The following DLG2 variants were observed in gnomAD, a reference collection of about 807,000 sequenced individuals.
The protein encoded by DLG2 is disks large homolog 2.
DLG2 carries 45 observed loss-of-function variants against 132.5 expected under a neutral mutation model. The ratio of observed to expected loss-of-function variants is 0.34; its 90% CI spans 0.27 to 0.44. DLG2 has a LOEUF of 0.44. Ranked by LOEUF, DLG2 falls within the 20% of genes least tolerant of loss-of-function variation. The pLI is 1.00. For missense variants in DLG2, 1,045 were observed against 1,196.9 expected (o/e 0.87, Z 1.87); for synonymous variants, 424 against 419.6 (o/e 1.01, Z -0.13).
chr11:84,207,581 T>C (rs1217127581), intron 8 of DLG2, among the ~76,000 whole-genome samples: 2 of 152,174 alleles, frequency 1.3e-5, no homozygotes, highest in Admixed American at 1.3e-4. Context: ...ATTACCTGGA[T>C]ATCTATTGGA....
At chr11:83,963,828 C>G (rs1442005510) in intron 13 of DLG2, among the ~76,000 whole-genome samples, 1 of 151,936 alleles carries the variant, frequency 6.6e-6, no homozygotes, top group Middle Eastern at 3.2e-3. Flanking sequence ...CTAGAATTTG[C>G]CTCTCCTACC....
chr11:83,533,497 A>G (rs551737237), intron 20 of DLG2, among the ~76,000 whole-genome samples: 1 of 152,250 alleles, frequency 6.6e-6, no homozygotes, highest in Non-Finnish European at 1.5e-5. Flanking sequence ...GCTGATATCA[A>G]TGTGGGAGCA....
At chr11:85,482,708 G>A (rs1336716430) in intron 3 of DLG2, among the ~76,000 whole-genome samples, 2 of 151,852 alleles carry the variant, frequency 1.3e-5, no homozygotes, top group African/African-American at 4.8e-5. Flanking sequence ...CCAAACCAGT[G>A]CCCACAGACC....
intron 6 of DLG2, among the ~76,000 whole-genome samples, chr11:84,536,242 C>T (rs2154521222): frequency 6.6e-6 from 1 of 152,256 alleles, no homozygotes; most frequent in East Asian, 1.9e-4. Context: ...AGAAAACTAA[C>T]ACTCCAAGAA....
intron 9 of DLG2, among the ~76,000 whole-genome samples, chr11:84,110,817 C>T (rs11233907): frequency 0.5 from 76,545 of 152,138 alleles, 23,328 homozygotes; most frequent in Middle Eastern, 0.68. Context: ...GAAGCACATC[C>T]TCATGACTGC....
chr11:85,511,979 A>G (rs1292166101), intron 3 of DLG2, among the ~76,000 whole-genome samples: 2 of 152,052 alleles, frequency 1.3e-5, no homozygotes, highest in African/African-American at 4.8e-5. Flanking sequence ...ATGAAATATT[A>G]ATTGTTCATA....
chr11:83,605,750 G>A (rs928814196), intron 19 of DLG2, among the ~76,000 whole-genome samples: 1 of 152,176 alleles, frequency 6.6e-6, no homozygotes, highest in African/African-American at 2.4e-5. Context: ...CCAGGTTTGT[G>A]AATGGAACAC....
chr11:85,374,550 G>T (rs2085251055), intron 3 of DLG2, among the ~76,000 whole-genome samples: 1 of 152,112 alleles, frequency 6.6e-6, no homozygotes, highest in South Asian at 2.1e-4. Context: ...TGTTGGCCAT[G>T]GTTGGCCAGG....
chr11:85,147,602 T>C (rs543275848), intron 5 of DLG2, among the ~76,000 whole-genome samples: 25 of 152,344 alleles, frequency 1.6e-4, no homozygotes, highest in Non-Finnish European at 1.5e-5. Context: ...TAAATTTTCA[T>C]ATGCATAATA....
At chr11:84,889,862 C>G (rs557874042) in intron 6 of DLG2, among the ~76,000 whole-genome samples, 5 of 152,138 alleles carry the variant, frequency 3.3e-5, no homozygotes, top group African/African-American at 1.2e-4. Flanking sequence ...ACAAAAGTCT[C>G]GAGTTTGCCA....
intron 18 of DLG2, chr11:83,682,137 G>GC: frequency 1.0e-6 from 1 of 985,328 alleles, no homozygotes; most frequent in Non-Finnish European, 1.2e-6. Context: ...ACAACGATTA[G>GC]CTGCAAAGCC....
At chr11:85,395,414 G>A (rs1431877871) in intron 3 of DLG2, among the ~76,000 whole-genome samples, 2 of 152,122 alleles carry the variant, frequency 1.3e-5, no homozygotes, top group African/African-American at 4.8e-5. Context: ...TGGACAGTGG[G>A]TGCAGCCCAT....
chr11:84,724,522 T>A (rs950110536), intron 6 of DLG2, among the ~76,000 whole-genome samples: 1 of 152,168 alleles, frequency 6.6e-6, no homozygotes, highest in Non-Finnish European at 1.5e-5. Context: ...CATGAGAGAA[T>A]ATTTATACCA....
chr11:83,875,473 A>G (rs995194113), intron 15 of DLG2, among the ~76,000 whole-genome samples: 1 of 152,112 alleles, frequency 6.6e-6, no homozygotes, highest in East Asian at 1.9e-4. Flanking sequence ...AGACTGTTTG[A>G]TTCTAGAGTC....
chr11:84,792,307 C>T (rs1372802816), intron 6 of DLG2, among the ~76,000 whole-genome samples: 4 of 151,988 alleles, frequency 2.6e-5, no homozygotes, highest in Non-Finnish European at 4.4e-5. Context: ...GAATGATATT[C>T]TTAACATATT....
intron 6 of DLG2, among the ~76,000 whole-genome samples, chr11:84,787,339 T>C (rs2073084575): frequency 6.6e-6 from 1 of 152,162 alleles, no homozygotes; most frequent in Non-Finnish European, 1.5e-5. Context: ...TTAACTCATG[T>C]CCTACTCTAG....
At chr11:84,007,581 A>G (rs958288803) in intron 11 of DLG2, among the ~76,000 whole-genome samples, 20 of 151,754 alleles carry the variant, frequency 1.3e-4, no homozygotes, top group Non-Finnish European at 1.5e-5. Flanking sequence ...TACATAATTG[A>G]ACATCTTTAA....
At chr11:83,808,150 T>A (rs901657091) in intron 17 of DLG2, among the ~76,000 whole-genome samples, 1 of 152,158 alleles carries the variant, frequency 6.6e-6, no homozygotes, top group Non-Finnish European at 1.5e-5. Context: ...CATACTGTAG[T>A]CTTGGTGTCT....
chr11:83,827,431 C>T (rs1191054419), intron 17 of DLG2, among the ~76,000 whole-genome samples: 1 of 152,156 alleles, frequency 6.6e-6, no homozygotes, highest in Non-Finnish European at 1.5e-5. Context: ...AGCTGTGACT[C>T]ATTTTTACTC....
Sources: gnomAD v4.1 joint callset for allele counts (sites outside exome capture counted in the v4.1 genomes callset) on GRCh38, gnomAD v4.1.1 for gene constraint, MANE v1.5 for transcripts, NCBI Gene and HGNC (gene_info 2026-07-23, HGNC 2026-07-21) for gene names.